The following ATP9A variants were observed in gnomAD, a reference collection of about 807,000 sequenced individuals.
ATP9A encodes the protein ATPase phospholipid transporting 9A.
ATP9A carries 52 observed loss-of-function variants against 144.1 expected under a neutral mutation model. That is an observed-to-expected ratio of 0.36 (90% confidence interval 0.29 to 0.45). The LOEUF (loss-of-function observed/expected upper bound fraction) is 0.45. Among genes scored for constraint, ATP9A ranks in the 20% least tolerant of loss-of-function variants. The pLI is 1.00. For synonymous variants in ATP9A, 582 were observed against 557.4 expected (o/e 1.04, Z -0.62); for missense variants, 947 against 1,392.7 (o/e 0.68, Z 5.09).
intron 1 of ATP9A, 81 bp from the exon 2 acceptor site, chr20:51,730,059 CT>C: frequency 7.4e-7 from 1 of 1,356,230 alleles, no homozygotes; most frequent in Non-Finnish European, 9.6e-7. Context: ...TCGCAGATTG[CT>C]TTTCTCTACA....
intron 1 of ATP9A, chr20:51,734,923 C>T: frequency 1.4e-5 from 3 of 214,064 alleles, no homozygotes; most frequent in South Asian, 1.6e-4. Context: ...AAACTTGGGA[C>T]GCATGCTCAT....
At chr20:51,661,562 G>T (rs1377303399) in intron 13 of ATP9A, among the ~76,000 whole-genome samples, 1 of 140,728 alleles carries the variant, frequency 7.1e-6, no homozygotes, top group Non-Finnish European at 1.5e-5. Flanking sequence ...TAGAGACAAG[G>T]TCTCCCTCTT....
At chr20:51,692,671 G>A (rs918180490) in intron 7 of ATP9A, among the ~76,000 whole-genome samples, 12 of 152,180 alleles carry the variant, frequency 7.9e-5, no homozygotes, top group African/African-American at 2.6e-4. Context: ...GCGTGGTGGC[G>A]GGTGCCTGTA....
In ATP9A at chr20:51,625,199, C is replaced by T; in HGVS notation, c.2009G>A (p.Gly670Asp). 1 of 1,611,622 alleles carries T rather than the reference C, an allele frequency of 6.2e-7. No individual in the cohort carries two copies. The highest frequency in any genetic ancestry group is 8.5e-7 in the Non-Finnish European group (1 of 1,179,494). ...RPTLETLRNA[G>D]IKVWMLTGDK... Reference sequence around the variant, plus strand: ...GCGGGCAGCCCGCCCTACCTTGATGCCAGCATTCCTCAGGGTCTCCAGCGT... The same window carrying T: ...GCGGGCAGCCCGCCCTACCTTGATGTCAGCATTCCTCAGGGTCTCCAGCGT... The change falls in exon 18 of 28, where the codon GGC becomes GAC. Residue 670 changes from glycine to aspartate, a missense_variant. Gly to Asp is a moderately conservative substitution (Grantham distance 94). This residue lies in a region of ATP9A where 770 missense variants were observed against 1,047.9 expected (regional missense o/e 0.73). Transcript: ENST00000338821.
At chr20:51,685,888 A>G (rs1479856192) in intron 9 of ATP9A, among the ~76,000 whole-genome samples, 2 of 152,212 alleles carry the variant, frequency 1.3e-5, no homozygotes, top group Non-Finnish European at 2.9e-5. Flanking sequence ...AGGATTATAA[A>G]TCATGCTGCT....
intron 24 of ATP9A, 124 bp downstream of exon 24, chr20:51,609,977 C>T (rs961158465): frequency 3.7e-6 from 3 of 800,154 alleles, no homozygotes; most frequent in African/African-American, 1.7e-5. Flanking sequence ...GGCCTGCATT[C>T]GCTGGGGCTG....
At chr20:51,745,413 T>A (rs1303937138) in intron 1 of ATP9A, among the ~76,000 whole-genome samples, 2 of 141,446 alleles carry the variant, frequency 1.4e-5, no homozygotes, top group Non-Finnish European at 3.0e-5. Flanking sequence ...CCAGCCAGAG[T>A]GAGATTCTGT....
At chr20:51,638,122 T>TATATA (rs2077302978) in intron 15 of ATP9A, among the ~76,000 whole-genome samples, 1 of 114,812 alleles carries the variant, frequency 8.7e-6, no homozygotes, top group Non-Finnish European at 1.8e-5. Context: ...TATATATATA[T>TATATA]ATCTCATAGT....
chr20:51,688,108 C>T (rs976804956), intron 9 of ATP9A, among the ~76,000 whole-genome samples: 1 of 152,160 alleles, frequency 6.6e-6, no homozygotes, highest in Non-Finnish European at 1.5e-5. Context: ...CCGTCATCTG[C>T]AGAATGAGCA....
chr20:51,724,109 T>C (rs889406498), intron 3 of ATP9A, among the ~76,000 whole-genome samples: 2 of 151,866 alleles, frequency 1.3e-5, no homozygotes, highest in African/African-American at 4.8e-5. Flanking sequence ...AGGCAGAGGT[T>C]GTGGTGAGCT....
chr20:51,658,819 C>A (rs950825181), intron 13 of ATP9A, among the ~76,000 whole-genome samples: 1 of 145,802 alleles, frequency 6.9e-6, no homozygotes, highest in African/African-American at 2.5e-5. Flanking sequence ...CGTGCCCGAC[C>A]CCCACCTAGG....
chr20:51,715,089 G>A (rs888197154), intron 3 of ATP9A, among the ~76,000 whole-genome samples: 12 of 152,138 alleles, frequency 7.9e-5, no homozygotes, highest in African/African-American at 2.7e-4. Flanking sequence ...AATACAGTCA[G>A]CATAACCACC....
At chr20:51,602,119 C>T (rs1042829266) in intron 27 of ATP9A, among the ~76,000 whole-genome samples, 2 of 151,966 alleles carry the variant, frequency 1.3e-5, no homozygotes, top group African/African-American at 4.8e-5. Context: ...TTCAGACCCC[C>T]TTGTCAGAGA....
chr20:51,662,530 G>T (rs1179536597), intron 13 of ATP9A, among the ~76,000 whole-genome samples: 2 of 144,690 alleles, frequency 1.4e-5, no homozygotes, highest in Non-Finnish European at 3.0e-5. Flanking sequence ...GGTTAACAGA[G>T]CAAGACTCTG....
At chr20:51,623,057 G>C (rs1464077402) in intron 18 of ATP9A, among the ~76,000 whole-genome samples, 1 of 152,174 alleles carries the variant, frequency 6.6e-6, no homozygotes, top group Non-Finnish European at 1.5e-5. Context: ...CACAGAAGAA[G>C]TAAAGGGAGA....
chr20:51,683,251 CGTTT>C (rs531990344), intron 9 of ATP9A, among the ~76,000 whole-genome samples: 24 of 151,920 alleles, frequency 1.6e-4, no homozygotes, highest in East Asian at 5.9e-4. Flanking sequence ...AACACCTGGA[CGTTT>C]GTTTGTTTGT....
At chr20:51,710,888 C>T (rs2077635545) in intron 4 of ATP9A, among the ~76,000 whole-genome samples, 1 of 152,096 alleles carries the variant, frequency 6.6e-6, no homozygotes, top group South Asian at 2.1e-4. Flanking sequence ...AGGGTCGAAG[C>T]CCGGATGGAT....
chr20:51,763,223 T>C (rs1301178000), intron 1 of ATP9A, among the ~76,000 whole-genome samples: 1 of 151,532 alleles, frequency 6.6e-6, no homozygotes, highest in Non-Finnish European at 1.5e-5. Flanking sequence ...GAGGAGACTT[T>C]CGGAGGTGAT....
At chr20:51,750,271 C>A (rs1238878621) in intron 1 of ATP9A, among the ~76,000 whole-genome samples, 1 of 152,214 alleles carries the variant, frequency 6.6e-6, no homozygotes, top group Non-Finnish European at 1.5e-5. Context: ...AGAGCAGACA[C>A]CATTCACCTC....
Sources: gnomAD v4.1 joint callset for allele counts (sites outside exome capture counted in the v4.1 genomes callset) on GRCh38, gnomAD v4.1.1 for gene constraint, gnomAD v4.1.1 regional missense constraint, MANE v1.5 for transcripts, NCBI Gene and HGNC (gene_info 2026-07-23, HGNC 2026-07-21) for gene names.